Variants in VEGFC observed in about 807,000 individuals in gnomAD.
VEGFC encodes the protein FLT4 ligand DHM.
Under a neutral mutation model 46.1 loss-of-function variants are expected in VEGFC, and 12 were observed. The ratio of observed to expected loss-of-function variants is 0.26; its 90% CI spans 0.17 to 0.42. VEGFC has a LOEUF of 0.42. VEGFC is among the 10% of genes least tolerant of loss of function. The pLI, the probability that VEGFC is intolerant of heterozygous loss-of-function variation, is 1.00. For missense variants in VEGFC, 488 were observed against 529.4 expected, an observed-to-expected ratio of 0.92 and a Z score of 0.77; for synonymous variants, 232 against 195.5, an observed-to-expected ratio of 1.19 and a Z score of -1.56.
At chr4:176,772,569 G>A (rs537335923) in intron 1 of VEGFC, among the ~76,000 whole-genome samples, 13 of 152,296 alleles carry the variant, frequency 8.5e-5, no homozygotes, top group African/African-American at 2.2e-4. Flanking sequence ...CTGCTACAGC[G>A]TGAATGTGTT....
At chr4:176,739,792 C>T (rs1230293747) in intron 1 of VEGFC, among the ~76,000 whole-genome samples, 1 of 151,084 alleles carries the variant, frequency 6.6e-6, no homozygotes. Context: ...GAATAAGATG[C>T]TAGACCTCGG....
At position 176,729,701 on chromosome 4, in the gene VEGFC, T is replaced by C. The variant is rs893547563; in HGVS notation, c.193A>G (p.Ser65Gly). ...DLEEQLRSVSSVDELMTVLYP... is the reference protein window; with the variant it reads ...DLEEQLRSVSGVDELMTVLYP... ...AGTACAGTCATGAGTTCATCTACAC[T>C]GGACACAGACCGTAACTGCTCCTCC... The change falls in exon 2 of 7, where the codon AGT becomes GGT. Residue 65 changes from serine (S) to glycine (G), a missense_variant. Transcript: ENST00000618562. 2 of 1,612,480 alleles carry C rather than the reference T, an allele frequency of 1.2e-6. No individual in the cohort carries two copies. The highest frequency in any genetic ancestry group is 2.2e-5 in the East Asian group (1 of 44,796).
chr4:176,693,202 C>G (rs1327831036), intron 4 of VEGFC, among the ~76,000 whole-genome samples: 1 of 150,150 alleles, frequency 6.7e-6, no homozygotes, highest in Non-Finnish European at 1.5e-5. Flanking sequence ...ACATTCAAAC[C>G]AAAGGCAAAG....
chr4:176,711,991 A>C (rs1190525887), intron 3 of VEGFC, among the ~76,000 whole-genome samples: 1 of 152,180 alleles, frequency 6.6e-6, no homozygotes, highest in Non-Finnish European at 1.5e-5. Context: ...ATTTGAAATG[A>C]ACATTTAAAA....
At chr4:176,714,105 T>C (rs1373795075) in intron 3 of VEGFC, among the ~76,000 whole-genome samples, 1 of 152,186 alleles carries the variant, frequency 6.6e-6, no homozygotes, top group Non-Finnish European at 1.5e-5. Flanking sequence ...TAATCTGATA[T>C]GGTTTGGATC....
At chr4:176,771,976 A>G (rs185194896) in intron 1 of VEGFC, among the ~76,000 whole-genome samples, 2 of 152,238 alleles carry the variant, frequency 1.3e-5, no homozygotes, top group African/African-American at 4.8e-5. Flanking sequence ...ATCAGTACCA[A>G]CTGTTCTCAG....
chr4:176,792,203 C>A lies in VEGFC; in HGVS notation c.109G>T (p.Asp37Tyr). The A allele has an allele frequency of 6.4e-7, 1 of 1,553,220 alleles. No homozygotes were observed. The highest frequency in any genetic ancestry group is 1.2e-5 in the South Asian group (1 of 84,850). The change falls in exon 1 of 7, where the codon GAC becomes TAC. Residue 37 changes from aspartate to tyrosine, a missense_variant. Transcript: ENST00000618562. This position sits in a 1 kb window ranked among gnomAD's most constrained non-coding sequence, Gnocchi z 6.3. ...AAAAAFESGL[D>Y]LSDAEPDAGE... Reference sequence around the variant, plus strand: ...GCGTCGGGCTCCGCGTCCGAGAGGTCGAGTCCGGACTCGAAGGCGGCGGCG... The same window carrying A: ...GCGTCGGGCTCCGCGTCCGAGAGGTAGAGTCCGGACTCGAAGGCGGCGGCG...
At chr4:176,739,608 G>C (rs1442860490) in intron 1 of VEGFC, among the ~76,000 whole-genome samples, 1 of 151,836 alleles carries the variant, frequency 6.6e-6, no homozygotes, top group Non-Finnish European at 1.5e-5. Flanking sequence ...GAGCGTATGA[G>C]GGTAGGGAAC....
At chr4:176,711,459 A>T (rs769210473) in intron 4 of VEGFC, 40 bp downstream of exon 4, 5 of 1,566,792 alleles carry the variant, frequency 3.2e-6, no homozygotes, top group Non-Finnish European at 4.3e-6. Context: ...ATTTAATATT[A>T]GTAGAGGATG....
chr4:176,712,512 C>A (rs771124452), intron 3 of VEGFC, among the ~76,000 whole-genome samples: 7 of 152,156 alleles, frequency 4.6e-5, no homozygotes, highest in Non-Finnish European at 1.0e-4. Context: ...CACTCTAAAT[C>A]ATTACCAGAA....
At chr4:176,737,131 C>T (rs375703117) in intron 1 of VEGFC, among the ~76,000 whole-genome samples, 6 of 150,040 alleles carry the variant, frequency 4.0e-5, no homozygotes, top group South Asian at 2.1e-4. Context: ...AACATCCTAA[C>T]GTCAAATGTA....
At chr4:176,722,790 G>A (rs1734811040) in intron 3 of VEGFC, among the ~76,000 whole-genome samples, 1 of 152,106 alleles carries the variant, frequency 6.6e-6, no homozygotes, top group Non-Finnish European at 1.5e-5. Flanking sequence ...GTAAGCCACA[G>A]TGCCCAGCGA....
At chr4:176,720,005 G>C (rs1352816207) in intron 3 of VEGFC, among the ~76,000 whole-genome samples, 2 of 151,768 alleles carry the variant, frequency 1.3e-5, no homozygotes, top group Non-Finnish European at 2.9e-5. Context: ...GTTGCAGTGA[G>C]CCAAGATCAC....
At chr4:176,784,595 A>T (rs1454070681) in intron 1 of VEGFC, among the ~76,000 whole-genome samples, 1 of 150,810 alleles carries the variant, frequency 6.6e-6, no homozygotes, top group Non-Finnish European at 1.5e-5. Flanking sequence ...AAAAAATATA[A>T]AAAAAAAATT....
intron 1 of VEGFC, among the ~76,000 whole-genome samples, chr4:176,764,860 A>G (rs1370997760): frequency 6.6e-6 from 1 of 152,216 alleles, no homozygotes; most frequent in African/African-American, 2.4e-5. Context: ...AGTTTTCAGC[A>G]AATAAGAAAA....
At chr4:176,782,808 GA>G (rs145891651) in intron 1 of VEGFC, among the ~76,000 whole-genome samples, 2 of 151,792 alleles carry the variant, frequency 1.3e-5, no homozygotes, top group Admixed American at 6.6e-5. Flanking sequence ...GTTCCAGTCA[GA>G]AAAAAAATTC....
At chr4:176,778,541 A>G (rs142924618) in intron 1 of VEGFC, among the ~76,000 whole-genome samples, 343 of 152,274 alleles carry the variant, frequency 2.3e-3, no homozygotes, top group African/African-American at 7.7e-3. Context: ...ACGCTACTAC[A>G]TATATTATAA....
intron 1 of VEGFC, among the ~76,000 whole-genome samples, chr4:176,755,569 C>T (rs1735418827): frequency 6.6e-6 from 1 of 151,946 alleles, no homozygotes; most frequent in Admixed American, 6.6e-5. Context: ...GGATTGCCTC[C>T]CAGATAGACT....
intron 5 of VEGFC, 63 bp from the exon 6 acceptor site, chr4:176,687,583 A>T: frequency 7.2e-7 from 1 of 1,387,266 alleles, no homozygotes; most frequent in Non-Finnish European, 9.5e-7. Flanking sequence ...GCATGAAACA[A>T]AAGCTTTTAA....
Sources: gnomAD v4.1 joint callset for allele counts (sites outside exome capture counted in the v4.1 genomes callset) on GRCh38, gnomAD v4.1.1 for gene constraint, Gnocchi (gnomAD v3.1) non-coding constraint, MANE v1.5 for transcripts, NCBI Gene and HGNC (gene_info 2026-07-23, HGNC 2026-07-21) for gene names.